The following PTPRM variants were observed in gnomAD, a reference collection of about 807,000 sequenced individuals.
PTPRM encodes receptor-type tyrosine-protein phosphatase mu.
PTPRM carries 47 observed loss-of-function variants against 186.7 expected under a neutral mutation model. The observed-to-expected ratio is 0.25, with a 90% CI of 0.20 to 0.32. The LOEUF (loss-of-function observed/expected upper bound fraction) is 0.32, where lower values mean the gene tolerates loss of function less well. Among genes scored for constraint, PTPRM ranks in the 10% least tolerant of loss-of-function variants. The probability of loss-of-function intolerance (pLI) is 1.00; values close to 1 mark genes in which losing one functional copy is unlikely to be tolerated. For missense variants in PTPRM, 1,494 were observed against 1,865.0 expected, an observed-to-expected ratio of 0.80 and a Z score of 3.66; for synonymous variants, 668 against 674.9, an observed-to-expected ratio of 0.99 and a Z score of 0.16.
chr18:7,988,673 G>A (rs986495849), intron 7 of PTPRM, among the ~76,000 whole-genome samples: 1 of 152,050 alleles, frequency 6.6e-6, no homozygotes. Context: ...GGTTTTCCAC[G>A]TGTCTGACTT....
chr18:7,940,947 G>A (rs758087123), intron 5 of PTPRM, among the ~76,000 whole-genome samples: 13 of 152,148 alleles, frequency 8.5e-5, no homozygotes, highest in Non-Finnish European at 1.9e-4. Context: ...AGAATATGCA[G>A]TGCAGATGCC....
At chr18:8,369,687 G>A (rs140820842) in intron 23 of PTPRM, among the ~76,000 whole-genome samples, 211 of 152,332 alleles carry the variant, frequency 1.4e-3, no homozygotes, top group Non-Finnish European at 2.5e-3. Context: ...TGGGCACAGC[G>A]GCCCATGCCT....
intron 11 of PTPRM, among the ~76,000 whole-genome samples, chr18:8,099,108 C>T (rs1320228077): frequency 6.6e-6 from 1 of 150,534 alleles, no homozygotes; most frequent in Non-Finnish European, 1.5e-5. Context: ...GTCCTGCCTG[C>T]ACACACACAC....
chr18:8,276,442 G>A (rs966817893), intron 19 of PTPRM, among the ~76,000 whole-genome samples: 1 of 152,136 alleles, frequency 6.6e-6, no homozygotes, highest in Non-Finnish European at 1.5e-5. Context: ...TAATTTCTTG[G>A]TTTTGAAAAT....
chr18:7,864,547 T>G (rs2047574747), intron 2 of PTPRM, among the ~76,000 whole-genome samples: 1 of 152,190 alleles, frequency 6.6e-6, no homozygotes, highest in Non-Finnish European at 1.5e-5. Flanking sequence ...TTCTGTTCCA[T>G]TAGTCTATAT....
chr18:7,856,071 A>G (rs2047079590), intron 2 of PTPRM, among the ~76,000 whole-genome samples: 1 of 152,140 alleles, frequency 6.6e-6, no homozygotes, highest in African/African-American at 2.4e-5. Flanking sequence ...CAAGGACTAG[A>G]CTTTTTCATC....
At chr18:8,279,952 A>G (rs186944506) in intron 19 of PTPRM, among the ~76,000 whole-genome samples, 9 of 152,286 alleles carry the variant, frequency 5.9e-5, no homozygotes, top group Admixed American at 1.3e-4. Flanking sequence ...TTGGAAAGAA[A>G]ATCTCCCCAT....
At chr18:7,865,309 A>T (rs572203195) in intron 2 of PTPRM, among the ~76,000 whole-genome samples, 4,605 of 152,194 alleles carry the variant, frequency 0.03, 160 homozygotes, top group East Asian at 0.15. Context: ...TCAGTATGAT[A>T]TTGGCTGTGG....
At chr18:8,114,074 A>G (rs1406071727) in intron 12 of PTPRM, among the ~76,000 whole-genome samples, 1 of 152,136 alleles carries the variant, frequency 6.6e-6, no homozygotes, top group African/African-American at 2.4e-5. Context: ...TATAGCTCCA[A>G]CACATACATT....
chr18:8,179,357 A>G (rs550667096), intron 14 of PTPRM, among the ~76,000 whole-genome samples: 2 of 151,858 alleles, frequency 1.3e-5, no homozygotes, highest in Non-Finnish European at 2.9e-5. Flanking sequence ...TGGAAGGATT[A>G]TTTCAGTCTT....
chr18:8,174,715 A>G (rs907759576), intron 14 of PTPRM, among the ~76,000 whole-genome samples: 1 of 152,306 alleles, frequency 6.6e-6, no homozygotes, highest in South Asian at 2.1e-4. Flanking sequence ...TCTTTGTCAT[A>G]TGACTGCCTA....
rs78931956 is a variant in PTPRM, at chr18:8,351,359, G to A, written c.3054+7839G>A. 5.2e-3 allele frequency among the ~76,000 whole-genome samples: 785 copies of A among 152,262 alleles called. 6 individuals carry two copies. The highest frequency in any genetic ancestry group is 0.018 in the African/African-American group (740 of 41,546). On this transcript the variant is annotated intron_variant, in intron 23 of 32. Coordinates refer to ENST00000580170, the MANE Select transcript of PTPRM (RefSeq NM_001105244.2). The stretch of plus-strand genomic sequence containing the variant: ...TGCAACATCTCTGAGCCCCAGATTC[G>A]TCATCTGTTAAGCATAGGGAATGAT...
At chr18:8,147,830 A>G (rs999909122) in intron 14 of PTPRM, among the ~76,000 whole-genome samples, 3 of 152,094 alleles carry the variant, frequency 2.0e-5, no homozygotes, top group African/African-American at 7.2e-5. Flanking sequence ...ACCGATACCT[A>G]GCTTATTCAG....
intron 1 of PTPRM, among the ~76,000 whole-genome samples, chr18:7,733,654 T>A (rs996586972): frequency 6.6e-6 from 1 of 152,166 alleles, no homozygotes; most frequent in African/African-American, 2.4e-5. Context: ...CCTTGAGGAA[T>A]CAGAGCACAG....
chr18:7,821,696 TA>T (rs2145614367), intron 2 of PTPRM, among the ~76,000 whole-genome samples: 1 of 152,282 alleles, frequency 6.6e-6, no homozygotes, highest in African/African-American at 2.4e-5. Context: ...TTGGGGTCAT[TA>T]TGAAGTAAAA....
At chr18:8,032,235 G>A (rs903682330) in intron 7 of PTPRM, among the ~76,000 whole-genome samples, 1 of 152,086 alleles carries the variant, frequency 6.6e-6, no homozygotes, top group Non-Finnish European at 1.5e-5. Flanking sequence ...GCAAACTTGG[G>A]CAAGTCTCCT....
chr18:7,886,457 T>C (rs372702716), intron 2 of PTPRM, among the ~76,000 whole-genome samples: 3 of 152,244 alleles, frequency 2.0e-5, no homozygotes, highest in African/African-American at 7.2e-5. Context: ...GGTTCGCTTG[T>C]GACTTGGCTT....
At chr18:8,156,747 A>G (rs1010781250) in intron 14 of PTPRM, among the ~76,000 whole-genome samples, 5 of 152,140 alleles carry the variant, frequency 3.3e-5, no homozygotes, top group African/African-American at 1.2e-4. Flanking sequence ...GTTGCAGTTT[A>G]CCATTGCTTT....
intron 27 of PTPRM, among the ~76,000 whole-genome samples, chr18:8,378,874 C>T (rs2095713041): frequency 6.6e-6 from 1 of 152,196 alleles, no homozygotes; most frequent in South Asian, 2.1e-4. Context: ...CCACCTCTGA[C>T]CTCCCAAATC....
Sources: gnomAD v4.1 joint callset for allele counts (sites outside exome capture counted in the v4.1 genomes callset) on GRCh38, gnomAD v4.1.1 for gene constraint, MANE v1.5 for transcripts, NCBI Gene and HGNC (gene_info 2026-07-23, HGNC 2026-07-21) for gene names.